The following METTL4 variants were observed in gnomAD, a reference collection of about 807,000 sequenced individuals.
METTL4 encodes methyltransferase 4, N6-adenosine, also known as N(6)-adenine-specific methyltransferase METTL4.
In METTL4, 40 loss-of-function variants were observed where a neutral mutation model predicts 54.0. That is an observed-to-expected ratio of 0.74 (90% CI 0.58 to 0.96). METTL4 has a LOEUF of 0.96. Ranked by LOEUF, METTL4 falls within the 50% of genes least tolerant of loss-of-function variation. The pLI is 0.00. For synonymous variants in METTL4, 169 were observed against 183.8 expected (o/e 0.92, Z 0.65); for missense variants, 525 against 549.0 (o/e 0.96, Z 0.44).
rs953887265 is a variant in METTL4 at position 2,552,777 on chromosome 18, A to T, written c.830-13T>A. The T allele has an allele frequency of 2.5e-6, 4 of 1,573,826 alleles. No individual in the cohort carries two copies. The highest frequency in any genetic ancestry group is 1.3e-5 in the African/African-American group (1 of 74,208). On this transcript the variant is annotated splice_polypyrimidine_tract_variant and intron_variant, in intron 4 of 8. Coordinates refer to ENST00000574538, the MANE Select transcript of METTL4 (RefSeq NM_022840.5). ...AATGTTTTCCTATCTGAAAACAAAG[A>T]TACAATTTCAGAAAATACCTTCTCT... is the stretch of plus-strand genomic sequence containing the variant.
chr18:2,568,752 C>CAAA lies in METTL4; in HGVS notation c.-438-1101_-438-1099dup, dbSNP rs552135454. 7.8e-4 allele frequency: 88 copies of CAAA among 112,144 alleles called. 1 individual carries two copies. The highest frequency in any genetic ancestry group is 3.0e-3 in the African/African-American group (81 of 26,578). 6.9% of individuals were successfully genotyped at this position (112,144 alleles called of 1,614,324 possible). ...GGGCAACAAGAGTGAAACTACGTCTCAAAAAAAAAAAAAAAAGGGAGTATG... is the reference window on the plus strand; with the variant it reads ...GGGCAACAAGAGTGAAACTACGTCTCAAAAAAAAAAAAAAAAAAAGGGAGTATG... On this transcript the variant is annotated intron_variant, in intron 1 of 8. Transcript: ENST00000574538.
intron 3 of METTL4, chr18:2,562,270 G>T (rs1250744458): frequency 6.6e-6 from 1 of 152,434 alleles, no homozygotes; most frequent in Non-Finnish European, 1.5e-5. Context: ...CTACTCAGGA[G>T]GCTGAGGCAA....
intron 5 of METTL4, among the ~76,000 whole-genome samples, chr18:2,551,481 C>T (rs879085023): frequency 7.8e-4 from 119 of 152,054 alleles, no homozygotes; most frequent in African/African-American, 2.0e-3. Context: ...GCAGGAGGAT[C>T]GCTTGAGACT....
chr18:2,540,594 T>C, intron 8 of METTL4: 1 of 985,436 alleles, frequency 1.0e-6, no homozygotes, highest in Non-Finnish European at 1.2e-6. Flanking sequence ...ATTTGGGCTT[T>C]GATGGGTTCT....
At chr18:2,550,753 T>A (rs1222830358) in intron 5 of METTL4, among the ~76,000 whole-genome samples, 2 of 152,232 alleles carry the variant, frequency 1.3e-5, no homozygotes, top group Admixed American at 6.5e-5. Flanking sequence ...CAAAAGATAC[T>A]GAAGAAGTAT....
At chr18:2,570,344 G>A (rs947528204) in intron 1 of METTL4, among the ~76,000 whole-genome samples, 1 of 152,168 alleles carries the variant, frequency 6.6e-6, no homozygotes, top group Non-Finnish European at 1.5e-5. Context: ...TTGCTAGCAG[G>A]ACCACTAAAT....
In METTL4 at chr18:2,539,119, C is replaced by T; in HGVS notation, c.1300G>A (p.Asp434Asn). The T allele has an allele frequency of 6.2e-7, 1 of 1,613,958 alleles. No individual in the cohort carries two copies. Among genetic ancestry groups the T allele is most frequent in the Non-Finnish European group, 8.5e-7 (1 of 1,179,882 alleles). Residue 434 changes from aspartate to asparagine, a missense_variant, in exon 9 of 9, where the codon GAT (aspartate) becomes AAT (asparagine). Physicochemically the swap from Asp to Asn is conservative, Grantham distance 23. Transcript: ENST00000574538. ...AEVLKDYIKP[D>N]GEYLELFARN... Reference sequence around the variant, plus strand: ...GCAAACAACTCCAAATATTCCCCATCTGGCTTGATGTAGTCTTTTAAAACC... The same window carrying T: ...GCAAACAACTCCAAATATTCCCCATTTGGCTTGATGTAGTCTTTTAAAACC...
Position 2,538,390 on chromosome 18 carries a change from T to G in METTL4, c.*610A>C, listed in dbSNP as rs2071941367. ...GAATATTTTCTCCAGAACATAACAGTATACCAGAGGTTGCAAATTCAGGTC... is the reference window on the plus strand; with the variant it reads ...GAATATTTTCTCCAGAACATAACAGGATACCAGAGGTTGCAAATTCAGGTC... On this transcript the variant is annotated 3_prime_UTR_variant, in exon 9 of 9. Transcript: ENST00000574538. 6.5e-6 allele frequency: 1 copy of G among 153,468 alleles called. No homozygotes were observed. Among genetic ancestry groups the G allele is most frequent in the Non-Finnish European group, 1.5e-5 (1 of 68,952 alleles). The allele number at this position is 153,468 out of a possible 1,614,324, so 9.5% of individuals were successfully genotyped here.
intron 6 of METTL4, among the ~76,000 whole-genome samples, chr18:2,546,956 A>G (rs1037232655): frequency 2.0e-5 from 3 of 152,168 alleles, no homozygotes; most frequent in Non-Finnish European, 4.4e-5. Context: ...ACAAAATAAG[A>G]AAAAGAAATC....
At chr18:2,568,130 C>T (rs532767815) in intron 1 of METTL4, among the ~76,000 whole-genome samples, 1 of 152,302 alleles carries the variant, frequency 6.6e-6, no homozygotes, top group Admixed American at 6.5e-5. Flanking sequence ...TTAATAATCA[C>T]AGCATTTAGA....
At chr18:2,563,358 T>G (rs1427520036) in intron 3 of METTL4, among the ~76,000 whole-genome samples, 1 of 152,138 alleles carries the variant, frequency 6.6e-6, no homozygotes, top group Non-Finnish European at 1.5e-5. Context: ...TTTGGGAGGC[T>G]GAGGCTGGCG....
At chr18:2,563,883 G>A in intron 2 of METTL4, 24 bp from the exon 3 acceptor site, 1 of 1,573,050 alleles carries the variant, frequency 6.4e-7, no homozygotes, top group Non-Finnish European at 8.7e-7. Context: ...CAATTACAGG[G>A]GAAAAGTTAT....
At chr18:2,540,103 C>G in intron 8 of METTL4, 1 of 980,182 alleles carries the variant, frequency 1.0e-6, no homozygotes, top group Non-Finnish European at 1.2e-6. Flanking sequence ...TTAATAACTA[C>G]TGAACATTGT....
chr18:2,544,378 T>A, intron 7 of METTL4, 92 bp from the exon 8 acceptor site: 2 of 880,204 alleles, frequency 2.3e-6, no homozygotes, highest in Non-Finnish European at 3.4e-6. Flanking sequence ...TCTCTTTCTG[T>A]ATCTGATTTT....
At chr18:2,561,738 T>C (rs376372732) in intron 3 of METTL4, 1 of 152,364 alleles carries the variant, frequency 6.6e-6, no homozygotes, top group East Asian at 1.9e-4. Flanking sequence ...ATTTCATAAT[T>C]TGTATTTATG....
At chr18:2,546,971 A>C (rs535035265) in intron 6 of METTL4, among the ~76,000 whole-genome samples, 33 of 152,296 alleles carry the variant, frequency 2.2e-4, no homozygotes, top group African/African-American at 7.9e-4. Context: ...GAAATCACAA[A>C]GGGTGGTTGA....
At chr18:2,566,053 ATAAATAAATAAAT>A (rs2072410341) in intron 2 of METTL4, among the ~76,000 whole-genome samples, 1 of 50,100 alleles carries the variant, frequency 2.0e-5, no homozygotes, top group African/African-American at 1.1e-4. Context: ...TCTCAAATAA[ATAAATAAATAAAT>A]AAATAAATAA....
chr18:2,544,530 TAC>T, intron 7 of METTL4, 121 bp downstream of exon 7: 1 of 696,306 alleles, frequency 1.4e-6, no homozygotes, highest in Non-Finnish European at 2.4e-6. Context: ...CATTCTTTTC[TAC>T]ACTGGACCAT....
intron 3 of METTL4, 38 bp from the exon 4 acceptor site, chr18:2,555,076 C>T: frequency 6.3e-7 from 1 of 1,584,190 alleles, no homozygotes; most frequent in South Asian, 1.2e-5. Context: ...AGAACGTTGA[C>T]ATTAAAAAAG....
Sources: gnomAD v4.1 joint callset for allele counts (sites outside exome capture counted in the v4.1 genomes callset) on GRCh38, gnomAD v4.1.1 for gene constraint, MANE v1.5 for transcripts, NCBI Gene and HGNC (gene_info 2026-07-23, HGNC 2026-07-21) for gene names.